The following TNKS variants were observed in gnomAD, a reference collection of about 807,000 sequenced individuals.
The protein encoded by TNKS is poly [ADP-ribose] polymerase tankyrase-1.
Under a neutral mutation model 135.8 loss-of-function variants are expected in TNKS, and 72 were observed. The ratio of observed to expected loss-of-function variants is 0.53; its 90% CI spans 0.44 to 0.64. The LOEUF is 0.64. Ranked by LOEUF, TNKS falls within the 30% of genes least tolerant of loss-of-function variation. TNKS has a pLI of 0.00. For synonymous variants in TNKS, 849 were observed against 649.3 expected (o/e 1.31, Z -4.68); for missense variants, 1,769 against 1,674.0 (o/e 1.06, Z -0.99).
chr8:9,633,833 G>A (rs1800392448), intron 3 of TNKS, among the ~76,000 whole-genome samples: 1 of 152,114 alleles, frequency 6.6e-6, no homozygotes, highest in Admixed American at 6.5e-5. Flanking sequence ...ATTCTTGGAA[G>A]CAGATTTTCC....
Position 9,636,607 on chromosome 8 carries a change from G to C in TNKS, c.994+20930G>C, listed in dbSNP as rs191109016. ...ATTGTTATAATTGTTAACTCTCCTT[G>C]CTTTCTATCTTGTTCTGAAGAAAAC... On this transcript the variant is annotated intron_variant, in intron 3 of 26. Coordinates refer to ENST00000310430, the MANE Select transcript of TNKS (RefSeq NM_003747.3). Among the ~76,000 whole-genome samples, 73 of 152,114 alleles carry C rather than the reference G, an allele frequency of 4.8e-4. 1 individual carries two copies. Among genetic ancestry groups the C allele is most frequent in the Non-Finnish European group, 4.7e-4 (32 of 67,974 alleles).
chr8:9,701,381 T>C (rs573926394), intron 5 of TNKS, among the ~76,000 whole-genome samples: 1 of 152,328 alleles, frequency 6.6e-6, no homozygotes, highest in Non-Finnish European at 1.5e-5. Context: ...ATGGAGCATC[T>C]TTTTGTTCAT....
intron 2 of TNKS, among the ~76,000 whole-genome samples, chr8:9,596,926 T>C (rs962497509): frequency 6.6e-6 from 1 of 152,230 alleles, no homozygotes; most frequent in Non-Finnish European, 1.5e-5. Flanking sequence ...TTTCAAGCGT[T>C]CCCACAGGGG....
intron 1 of TNKS, among the ~76,000 whole-genome samples, chr8:9,573,125 A>T (rs962175239): frequency 6.6e-6 from 1 of 152,114 alleles, no homozygotes; most frequent in Non-Finnish European, 1.5e-5. Flanking sequence ...CACATTTGTC[A>T]CCAAGTGCCT....
intron 21 of TNKS, 30 bp downstream of exon 21, chr8:9,761,666 C>T: frequency 6.4e-7 from 1 of 1,569,368 alleles, no homozygotes; most frequent in Non-Finnish European, 8.6e-7. Flanking sequence ...AAAAAAATTT[C>T]AGAAATCAGT....
At chr8:9,641,032 A>G (rs1324029162) in intron 3 of TNKS, among the ~76,000 whole-genome samples, 1 of 145,752 alleles carries the variant, frequency 6.9e-6, no homozygotes, top group African/African-American at 2.5e-5. Flanking sequence ...GCTTTAATAG[A>G]TTATTTCTAA....
chr8:9,640,276 CTG>C (rs1468393315), intron 3 of TNKS, among the ~76,000 whole-genome samples: 1 of 152,104 alleles, frequency 6.6e-6, no homozygotes, highest in Non-Finnish European at 1.5e-5. Context: ...GGCCTTCTTA[CTG>C]TGTTATTCCA....
intron 3 of TNKS, among the ~76,000 whole-genome samples, chr8:9,632,948 C>G (rs1033144352): frequency 2.6e-5 from 4 of 152,162 alleles, no homozygotes; most frequent in African/African-American, 9.7e-5. Context: ...CCAGGATGGT[C>G]TCAATCTCCT....
At chr8:9,702,414 G>T (rs999954969) in intron 5 of TNKS, among the ~76,000 whole-genome samples, 2 of 152,102 alleles carry the variant, frequency 1.3e-5, no homozygotes, top group Non-Finnish European at 2.9e-5. Flanking sequence ...AAATATTAGC[G>T]TATCCACAGG....
intron 18 of TNKS, among the ~76,000 whole-genome samples, chr8:9,749,395 T>C (rs1222367236): frequency 6.6e-6 from 1 of 152,088 alleles, no homozygotes; most frequent in Non-Finnish European, 1.5e-5. Context: ...TAGGGAATGA[T>C]CCCTGATTAG....
intron 3 of TNKS, among the ~76,000 whole-genome samples, chr8:9,617,789 T>A (rs11249931): frequency 0.71 from 108,169 of 151,992 alleles, 38,813 homozygotes; most frequent in Middle Eastern, 0.8. Context: ...CCAGATGCAA[T>A]TGTAGTACCC....
chr8:9,566,491 G>T (rs1470698725), intron 1 of TNKS: 1 of 150,018 alleles, frequency 6.7e-6, no homozygotes, highest in East Asian at 2.0e-4. Flanking sequence ...TTAGTGCTCT[G>T]TAAGTATTTG....
chr8:9,672,978 G>C (rs71516528), intron 3 of TNKS, among the ~76,000 whole-genome samples: 2 of 152,144 alleles, frequency 1.3e-5, no homozygotes, highest in African/African-American at 4.8e-5. Flanking sequence ...ACACTTTGCA[G>C]AAAGTCCCAC....
At chr8:9,749,893 C>A (rs191291987) in intron 18 of TNKS, among the ~76,000 whole-genome samples, 20 of 152,278 alleles carry the variant, frequency 1.3e-4, no homozygotes, top group African/African-American at 3.8e-4. Flanking sequence ...TAGAAATTTT[C>A]GGGACCCTGA....
At chr8:9,581,708 C>T (rs1798172540) in intron 2 of TNKS, among the ~76,000 whole-genome samples, 1 of 152,214 alleles carries the variant, frequency 6.6e-6, no homozygotes, top group African/African-American at 2.4e-5. Context: ...ACTGTTCTCA[C>T]TTTCTTAAAA....
At chr8:9,747,930 A>G (rs1563206887) in intron 17 of TNKS, 94 bp from the exon 18 acceptor site, 6 of 1,176,698 alleles carry the variant, frequency 5.1e-6, no homozygotes, top group Non-Finnish European at 4.7e-6. Flanking sequence ...GGAGATACAG[A>G]GGAGTGAATT....
chr8:9,610,564 C>G (rs146344489), intron 2 of TNKS, among the ~76,000 whole-genome samples: 1,616 of 152,048 alleles, frequency 0.011, 12 homozygotes, highest in African/African-American at 0.022. Context: ...AAAGTTTAGT[C>G]CTTTGATATT....
At chr8:9,742,634 C>T (rs1806026650) in intron 17 of TNKS, among the ~76,000 whole-genome samples, 1 of 151,154 alleles carries the variant, frequency 6.6e-6, no homozygotes, top group South Asian at 2.1e-4. Flanking sequence ...GAGACAGCAA[C>T]ATGGTTTAAG....
chr8:9,684,862 A>G (rs902598088), intron 5 of TNKS, among the ~76,000 whole-genome samples: 4 of 152,170 alleles, frequency 2.6e-5, no homozygotes, highest in African/African-American at 9.6e-5. Context: ...TTAAGACATT[A>G]TGGAAGACAT....
Sources: gnomAD v4.1 joint callset for allele counts (sites outside exome capture counted in the v4.1 genomes callset) on GRCh38, gnomAD v4.1.1 for gene constraint, MANE v1.5 for transcripts, NCBI Gene and HGNC (gene_info 2026-07-23, HGNC 2026-07-21) for gene names.